DIAPH2: variants seen among roughly 807,000 people sequenced by gnomAD.
The protein encoded by DIAPH2 is protein diaphanous homolog 2.
A neutral mutation model predicts 92.7 loss-of-function variants in DIAPH2; 35 were observed. That is an observed-to-expected ratio of 0.38 (90% CI 0.29 to 0.50). DIAPH2 has a LOEUF of 0.50. Ranked by LOEUF, DIAPH2 falls within the 20% of genes least tolerant of loss-of-function variation. The pLI is 0.94. For synonymous variants in DIAPH2, 301 were observed against 280.4 expected (o/e 1.07, Z -0.73); for missense variants, 701 against 819.5 (o/e 0.86, Z 1.77).
At chrX:96,962,478 TACACACACACACAC>T (rs1159716286) in intron 16 of DIAPH2, among the ~76,000 whole-genome samples, 3 of 25,203 alleles carry the variant, frequency 1.2e-4, no homozygotes, top group Admixed American at 6.3e-4. Flanking sequence ...CATATATATA[TACACACACACACAC>T]ACACATATAT....
At chrX:97,002,301 T>C (rs1332561243) in intron 17 of DIAPH2, among the ~76,000 whole-genome samples, 2 of 110,889 alleles carry the variant, frequency 1.8e-5, no homozygotes, top group Non-Finnish European at 3.8e-5. Flanking sequence ...TATATATATA[T>C]ACATATATAT....
chrX:96,756,334 A>G (rs1340927574), intron 3 of DIAPH2, among the ~76,000 whole-genome samples: 1 of 111,467 alleles, frequency 9.0e-6, no homozygotes, highest in Non-Finnish European at 1.9e-5. Context: ...TTTTGTCCCT[A>G]TAAATTTGCC....
At chrX:97,515,218 C>G (rs1033717649) in intron 26 of DIAPH2, among the ~76,000 whole-genome samples, 18 of 112,266 alleles carry the variant, frequency 1.6e-4, no homozygotes, top group Non-Finnish European at 3.4e-4. Flanking sequence ...CGTGGTGCAC[C>G]GTTTTTTAAG....
intron 19 of DIAPH2, among the ~76,000 whole-genome samples, chrX:97,087,508 GA>G (rs1208560195): frequency 9.0e-6 from 1 of 110,974 alleles, no homozygotes; most frequent in Non-Finnish European, 1.9e-5. Context: ...CAGTGTAGTG[GA>G]AAAAAAATTC....
Position 97,347,964 on chromosome X carries a change from A to G in DIAPH2, c.2845-152A>G, listed in dbSNP as rs780161450. The G allele has an allele frequency of 1.9e-4, 102 of 530,135 alleles. No individual in the cohort carries two copies. In the African/African-American group the frequency reaches 2.2e-3, roughly 11 times the overall value. 43.7% of individuals were successfully genotyped at this position (530,135 alleles called of 1,213,427 possible). ...TTGTTTAAGCCACCTAATCTGTGGT[A>G]TTTTACCATGGCAGCCCTAACAAAC... On this transcript the variant is annotated intron_variant, in intron 23 of 26. Transcript: ENST00000324765.
At chrX:96,989,593 G>C (rs940155386) in intron 17 of DIAPH2, among the ~76,000 whole-genome samples, 1 of 111,775 alleles carries the variant, frequency 8.9e-6, no homozygotes, top group Non-Finnish European at 1.9e-5. Context: ...TTGGAGAATT[G>C]CATTCTATAA....
At chrX:97,272,373 C>T (rs752173319) in intron 23 of DIAPH2, among the ~76,000 whole-genome samples, 30 of 111,834 alleles carry the variant, frequency 2.7e-4, no homozygotes, top group African/African-American at 9.4e-4. Context: ...CTTAACATCA[C>T]GCATTTATTT....
chrX:97,530,699 C>T (rs1172926805), intron 26 of DIAPH2, among the ~76,000 whole-genome samples: 1 of 111,524 alleles, frequency 9.0e-6, no homozygotes, highest in South Asian at 3.7e-4. Flanking sequence ...CAGCTGTTGA[C>T]ATTCTCATAG....
At chrX:97,014,114 T>C (rs966593253) in intron 17 of DIAPH2, among the ~76,000 whole-genome samples, 2 of 111,545 alleles carry the variant, frequency 1.8e-5, no homozygotes, top group African/African-American at 6.6e-5. Flanking sequence ...GAAATATAAA[T>C]ATGGAAAGAT....
At chrX:97,182,537 G>C (rs2067548485) in intron 22 of DIAPH2, among the ~76,000 whole-genome samples, 1 of 111,398 alleles carries the variant, frequency 9.0e-6, no homozygotes, top group Non-Finnish European at 1.9e-5. Context: ...AAAATTGAAG[G>C]TGGACCCCAC....
chrX:97,139,846 T>G (rs1306253769), intron 21 of DIAPH2, among the ~76,000 whole-genome samples: 1 of 108,233 alleles, frequency 9.2e-6, no homozygotes, highest in Non-Finnish European at 2.0e-5. Context: ...CTAACACATG[T>G]GACAAAGAAA....
chrX:97,173,623 G>GGGCT (rs1211123934), intron 22 of DIAPH2, among the ~76,000 whole-genome samples: 11 of 111,365 alleles, frequency 9.9e-5, no homozygotes, highest in African/African-American at 3.6e-4. Flanking sequence ...AGTGAAAAAA[G>GGGCT]GGCTGGACCT....
At position 96,988,677 on chromosome X, in the gene DIAPH2, A is replaced by G. The variant is rs1469790677; in HGVS notation, c.2050+23470A>G. Among the ~76,000 whole-genome samples the G allele has an allele frequency of 5.4e-5, 6 of 111,706 alleles. No homozygotes were observed. In the East Asian group the frequency reaches 1.7e-3, roughly 31 times the overall value. ...GCTCGAATTAGTTTAGTGTTGGTAC[A>G]TGGAAATAAATTGTATGGCTTTATC... On this transcript the variant is annotated intron_variant, in intron 17 of 26. Coordinates refer to ENST00000324765, the MANE Select transcript of DIAPH2 (RefSeq NM_006729.5).
At chrX:97,141,870 C>T in intron 22 of DIAPH2, 76 bp downstream of exon 22, 1 of 1,036,040 alleles carries the variant, frequency 9.7e-7, no homozygotes, top group South Asian at 2.3e-5. Context: ...AATCTGTAAA[C>T]ATTATTCATA....
chrX:97,185,409 A>ATATATATGTGTATATATATG (rs1569323154), intron 22 of DIAPH2, among the ~76,000 whole-genome samples: 1 of 36,068 alleles, frequency 2.8e-5, no homozygotes, highest in Admixed American at 3.9e-4. Flanking sequence ...ATATATATAT[A>ATATATATGTGTATATATATG]TGTATATATA....
rs182894353 is a variant in DIAPH2, at chrX:97,217,939, C to T, written c.2720-29776C>T. ...CCAGCCTGGGCAACAGAGCGATATG[C>T]CATCTCAGAAAGAAAAAGAAAGAAA... is the stretch of plus-strand genomic sequence containing the variant. On this transcript the variant is annotated intron_variant, in intron 22 of 26. Coordinates refer to ENST00000324765, the MANE Select transcript of DIAPH2 (RefSeq NM_006729.5). Among the ~76,000 whole-genome samples, 599 of 110,698 alleles carry T rather than the reference C, an allele frequency of 5.4e-3. 5 individuals carry two copies. Among genetic ancestry groups the T allele is most frequent in the African/African-American group, 0.019 (569 of 30,498 alleles).
At chrX:97,410,499 C>G (rs2069858443) in intron 25 of DIAPH2, among the ~76,000 whole-genome samples, 1 of 111,982 alleles carries the variant, frequency 8.9e-6, no homozygotes, top group African/African-American at 3.3e-5. Flanking sequence ...CAGAGCACCT[C>G]TTCTCCTCCA....
At chrX:97,297,604 C>CT (rs11356320) in intron 23 of DIAPH2, among the ~76,000 whole-genome samples, 4,216 of 72,889 alleles carry the variant, frequency 0.058, 126 homozygotes, top group African/African-American at 0.084. Context: ...TTTTAGTGCA[C>CT]TTTTTTTTTT....
At chrX:96,962,713 C>A (rs762739683) in intron 16 of DIAPH2, among the ~76,000 whole-genome samples, 1 of 107,882 alleles carries the variant, frequency 9.3e-6, no homozygotes, top group African/African-American at 3.4e-5. Flanking sequence ...TACATTCAGC[C>A]AGTCTATATC....
Sources: allele counts gnomAD v4.1 joint callset (sites outside exome capture counted in the v4.1 genomes callset), GRCh38; gene constraint gnomAD v4.1.1; transcripts MANE v1.5; gene names NCBI Gene and HGNC (gene_info 2026-07-23, HGNC 2026-07-21).